FAF1: variants seen among roughly 807,000 people sequenced by gnomAD.
FAF1 encodes Fas associated factor 1.
Under a neutral mutation model 92.5 loss-of-function variants are expected in FAF1, and 25 were observed. The ratio of observed to expected loss-of-function variants is 0.27; its 90% CI spans 0.20 to 0.38. FAF1 has a LOEUF of 0.38. FAF1 is among the 10% of genes least tolerant of loss of function. FAF1 has a pLI of 1.00. For missense variants in FAF1, 636 were observed against 793.3 expected (o/e 0.80, Z 2.38); for synonymous variants, 234 against 273.2 (o/e 0.86, Z 1.42).
chr1:50,587,016 T>C (rs185954472), intron 9 of FAF1, among the ~76,000 whole-genome samples: 66 of 152,318 alleles, frequency 4.3e-4, no homozygotes, highest in Non-Finnish European at 8.4e-4. Context: ...TTGCTTAATC[T>C]TGCCTAGTAC....
At chr1:50,594,293 T>A (rs1651678626) in intron 9 of FAF1, among the ~76,000 whole-genome samples, 1 of 147,866 alleles carries the variant, frequency 6.8e-6, no homozygotes, top group African/African-American at 2.5e-5. Flanking sequence ...CCAGCCTGGG[T>A]GACAGAGTGA....
intron 6 of FAF1, 183 bp from the exon 7 acceptor site, chr1:50,706,074 C>T (rs1657662392): frequency 6.1e-6 from 3 of 491,392 alleles, no homozygotes; most frequent in African/African-American, 1.9e-5. Flanking sequence ...GGGGAGCTAA[C>T]CTGTTAACTC....
chr1:50,924,318 T>C (rs1056751732), intron 1 of FAF1, among the ~76,000 whole-genome samples: 1 of 139,160 alleles, frequency 7.2e-6, no homozygotes, highest in African/African-American at 2.7e-5. Flanking sequence ...CCATTTACAA[T>C]AGCTATCAAA....
intron 6 of FAF1, among the ~76,000 whole-genome samples, chr1:50,730,515 GTTA>G (rs1405761992): frequency 1.3e-5 from 2 of 151,996 alleles, no homozygotes; most frequent in African/African-American, 2.4e-5. Flanking sequence ...TTACTCTGCG[GTTA>G]TTATTCTATT....
intron 18 of FAF1, among the ~76,000 whole-genome samples, chr1:50,472,368 TACACAC>T (rs71850142): frequency 0.064 from 7,876 of 123,824 alleles, 217 homozygotes; most frequent in Middle Eastern, 0.14. Flanking sequence ...GGGGAAAACA[TACACAC>T]ACACACACAC....
At chr1:50,737,935 A>G (rs1659207949) in intron 6 of FAF1, among the ~76,000 whole-genome samples, 1 of 152,216 alleles carries the variant, frequency 6.6e-6, no homozygotes, top group Admixed American at 6.5e-5. Flanking sequence ...AAATAAACAT[A>G]GTTCTGGAAT....
chr1:50,550,329 C>T (rs192015219), intron 13 of FAF1, among the ~76,000 whole-genome samples: 139 of 123,336 alleles, frequency 1.1e-3, no homozygotes, highest in African/African-American at 4.2e-3. Context: ...CCAGCCTGGG[C>T]GACAGAGTGA....
At chr1:50,661,328 ATTAAT>A (rs1323749535) in intron 7 of FAF1, among the ~76,000 whole-genome samples, 19 of 152,316 alleles carry the variant, frequency 1.2e-4, no homozygotes, top group African/African-American at 4.6e-4. Flanking sequence ...TTCAAGTTTT[ATTAAT>A]TTATCTCAAC....
At chr1:50,909,809 G>A (rs1042228842) in intron 1 of FAF1, among the ~76,000 whole-genome samples, 11 of 152,194 alleles carry the variant, frequency 7.2e-5, no homozygotes, top group African/African-American at 2.2e-4. Flanking sequence ...GCTTCTTTGC[G>A]ATGGGTTTGA....
intron 1 of FAF1, among the ~76,000 whole-genome samples, chr1:50,942,744 G>A (rs942257503): frequency 6.7e-5 from 10 of 150,160 alleles, no homozygotes; most frequent in African/African-American, 2.2e-4. Flanking sequence ...TTTAGTTGTC[G>A]TTGTTTTTTT....
chr1:50,847,415 A>ACT lies in FAF1; in HGVS notation c.114+10513_114+10514insAG, dbSNP rs1644310876. 4.7e-5 allele frequency among the ~76,000 whole-genome samples: 7 copies of ACT among 149,714 alleles called. No individual in the cohort carries two copies. The South Asian group carries it at 1.5e-3, about 31-fold the overall frequency. ...AGCAAAAAAAGATAAACTATGCCTGAAATTAAAAAAAAAAAAAAAACAGTA... is the reference window on the plus strand; with the variant it reads ...AGCAAAAAAAGATAAACTATGCCTGACTAATTAAAAAAAAAAAAAAAACAGTA... On this transcript the variant is annotated intron_variant, in intron 2 of 18. Transcript: ENST00000396153.
intron 1 of FAF1, among the ~76,000 whole-genome samples, chr1:50,914,129 C>T (rs1644904936): frequency 6.6e-6 from 1 of 152,120 alleles, no homozygotes; most frequent in Non-Finnish European, 1.5e-5. Context: ...AAGCAAAGGA[C>T]GAGACCATGG....
chr1:50,793,861 C>G (rs1429835897), intron 3 of FAF1, among the ~76,000 whole-genome samples: 1 of 152,188 alleles, frequency 6.6e-6, no homozygotes, highest in African/African-American at 2.4e-5. Flanking sequence ...GGTTAAGTCT[C>G]CCTAATCCAT....
intron 8 of FAF1, among the ~76,000 whole-genome samples, chr1:50,601,793 CAT>C (rs1162576141): frequency 3.3e-5 from 5 of 151,320 alleles, no homozygotes; most frequent in African/African-American, 1.2e-4. Context: ...TTCATATATA[CAT>C]ATATTCATAT....
At chr1:50,909,745 T>C (rs1166156760) in intron 1 of FAF1, among the ~76,000 whole-genome samples, 1 of 152,240 alleles carries the variant, frequency 6.6e-6, no homozygotes, top group Non-Finnish European at 1.5e-5. Context: ...TAAGGTCTTC[T>C]CTACGCTGTT....
At chr1:50,714,423 G>A (rs2124441748) in intron 6 of FAF1, among the ~76,000 whole-genome samples, 1 of 151,998 alleles carries the variant, frequency 6.6e-6, no homozygotes, top group East Asian at 1.9e-4. Context: ...TGAGGCAGGA[G>A]AATCTCTTGA....
intron 8 of FAF1, among the ~76,000 whole-genome samples, chr1:50,627,755 A>T (rs1393145957): frequency 6.6e-6 from 1 of 152,178 alleles, no homozygotes; most frequent in African/African-American, 2.4e-5. Flanking sequence ...TGCTGGCTAC[A>T]TGGCAGTATT....
At chr1:50,663,971 A>G (rs1448604761) in intron 7 of FAF1, among the ~76,000 whole-genome samples, 1 of 148,758 alleles carries the variant, frequency 6.7e-6, no homozygotes, top group African/African-American at 2.5e-5. Flanking sequence ...TTTAATCTAA[A>G]TTTCTGCTAA....
chr1:50,467,168 T>C (rs1195742992), intron 18 of FAF1, among the ~76,000 whole-genome samples: 2 of 152,224 alleles, frequency 1.3e-5, no homozygotes, highest in South Asian at 4.1e-4. Flanking sequence ...AAAACTGTAT[T>C]GGATAAACAG....
Sources: gnomAD v4.1 joint callset for allele counts (sites outside exome capture counted in the v4.1 genomes callset) on GRCh38, gnomAD v4.1.1 for gene constraint, MANE v1.5 for transcripts, NCBI Gene and HGNC (gene_info 2026-07-23, HGNC 2026-07-21) for gene names.